Variants in SAMMSON observed in about 807,000 individuals in gnomAD.
SAMMSON encodes the protein survival associated mitochondrial melanoma specific oncogenic non-coding RNA, also known as long intergenic non-protein coding RNA 1212.
At chr3:70,316,576 A>G (rs1702495583) in intron 7 of SAMMSON, among the ~76,000 whole-genome samples, 1 of 152,112 alleles carries the variant, frequency 6.6e-6, no homozygotes, top group Non-Finnish European at 1.5e-5. Flanking sequence ...ACCAATATAT[A>G]CCATCAAATA....
intron 2 of SAMMSON, among the ~76,000 whole-genome samples, chr3:70,402,663 A>C (rs1340452485): frequency 1.3e-5 from 2 of 152,138 alleles, no homozygotes. Context: ...GGAGTTCAAG[A>C]CCAGCCTGGC....
At position 70,108,423 on chromosome 3, in the gene SAMMSON, C is replaced by CTTTTT. The variant is rs61561713; in HGVS notation, n.507+36872_507+36876dup. 3.5e-3 allele frequency among the ~76,000 whole-genome samples: 312 copies of CTTTTT among 89,344 alleles called. 20 individuals carry two copies. Among genetic ancestry groups the CTTTTT allele is most frequent in the South Asian group, 0.025 (48 of 1,910 alleles). 58.6% of individuals were successfully genotyped at this position (89,344 alleles called of 152,430 possible). A position where few individuals can be genotyped will look rare whatever the true frequency, so the allele number is the denominator to read the frequency against. ...TAGTGTTTCTCAACTCTTGCGGTTC[C>CTTTTT]TTTTTTTTTTTTTTTTTTATCATAA... On this transcript the variant is annotated intron_variant and non_coding_transcript_variant, in intron 4 of 9. Coordinates refer to ENST00000642114, the Ensembl canonical transcript of SAMMSON.
chr3:70,325,888 A>G (rs2106719857), intron 7 of SAMMSON, among the ~76,000 whole-genome samples: 1 of 152,250 alleles, frequency 6.6e-6, no homozygotes, highest in East Asian at 1.9e-4. Flanking sequence ...CATAACTGAT[A>G]AACCCCTTCT....
intron 1 of SAMMSON, among the ~76,000 whole-genome samples, chr3:70,008,872 C>A (rs977482621): frequency 6.6e-6 from 1 of 152,114 alleles, no homozygotes; most frequent in Non-Finnish European, 1.5e-5. Context: ...TTGTGAAAGG[C>A]CTTTTCTTCC....
At chr3:70,318,241 C>A (rs1702508882) in intron 7 of SAMMSON, among the ~76,000 whole-genome samples, 1 of 151,926 alleles carries the variant, frequency 6.6e-6, no homozygotes, top group Admixed American at 6.6e-5. Flanking sequence ...CTCTAGGATT[C>A]CAATTACACA....
chr3:70,105,630 C>T (rs2067364265), intron 4 of SAMMSON, among the ~76,000 whole-genome samples: 1 of 152,112 alleles, frequency 6.6e-6, no homozygotes, highest in Admixed American at 6.6e-5. Flanking sequence ...CAAATTGGAC[C>T]CCATTTCAAT....
intron 9 of SAMMSON, among the ~76,000 whole-genome samples, chr3:70,370,670 C>T (rs1702961729): frequency 6.6e-6 from 1 of 151,514 alleles, no homozygotes. Flanking sequence ...TTTTGTTTTG[C>T]TTTTTCTTAT....
At chr3:70,405,720 G>A (rs1417530599) in intron 2 of SAMMSON, among the ~76,000 whole-genome samples, 2 of 152,144 alleles carry the variant, frequency 1.3e-5, no homozygotes, top group Non-Finnish European at 1.5e-5. Flanking sequence ...GCAGGCAGTC[G>A]AATCTGCATG....
At chr3:70,397,920 T>C (rs1441560024) in intron 2 of SAMMSON, among the ~76,000 whole-genome samples, 1 of 152,234 alleles carries the variant, frequency 6.6e-6, no homozygotes, top group African/African-American at 2.4e-5. Context: ...TAATTCTGAC[T>C]GTCTTAGCTT....
chr3:70,339,490 T>G (rs565050035), intron 7 of SAMMSON, among the ~76,000 whole-genome samples: 267 of 152,234 alleles, frequency 1.8e-3, no homozygotes, highest in Non-Finnish European at 3.0e-3. Context: ...GAGAATATTT[T>G]TACAATCTAC....
At chr3:70,362,821 T>C (rs909305393) in intron 9 of SAMMSON, among the ~76,000 whole-genome samples, 10 of 135,722 alleles carry the variant, frequency 7.4e-5, no homozygotes, top group African/African-American at 1.6e-4. Flanking sequence ...TTTTTTTTTT[T>C]CTCCAGTGGC....
intron 4 of SAMMSON, among the ~76,000 whole-genome samples, chr3:70,073,519 G>A (rs1298446844): frequency 1.3e-5 from 2 of 151,942 alleles, no homozygotes; most frequent in Admixed American, 6.6e-5. Context: ...TGTAGAATGA[G>A]AAGTAGAGAG....
intron 9 of SAMMSON, among the ~76,000 whole-genome samples, chr3:70,386,499 C>T (rs1703123798): frequency 6.6e-6 from 1 of 151,952 alleles, no homozygotes; most frequent in South Asian, 2.1e-4. Context: ...AGGAAGAAAC[C>T]AATGAATTAG....
At chr3:70,159,913 T>C (rs2067608212) in intron 4 of SAMMSON, among the ~76,000 whole-genome samples, 1 of 152,108 alleles carries the variant, frequency 6.6e-6, no homozygotes, top group African/African-American at 2.4e-5. Flanking sequence ...TTGTGGTTTC[T>C]ATTTGCATTT....
intron 6 of SAMMSON, among the ~76,000 whole-genome samples, chr3:70,255,716 C>T (rs1163580779): frequency 2.0e-5 from 3 of 152,134 alleles, no homozygotes; most frequent in Admixed American, 2.0e-4. Flanking sequence ...ACTTTGGCCT[C>T]TCAAGGGGAG....
At chr3:70,404,965 T>C (rs1027658711) in intron 2 of SAMMSON, among the ~76,000 whole-genome samples, 1 of 152,134 alleles carries the variant, frequency 6.6e-6, no homozygotes, top group Non-Finnish European at 1.5e-5. Context: ...TGTTTATGTG[T>C]AGGATGAGAG....
intron 4 of SAMMSON, among the ~76,000 whole-genome samples, chr3:70,196,126 GAAGA>G (rs1253430125): frequency 6.6e-6 from 1 of 152,156 alleles, no homozygotes; most frequent in Non-Finnish European, 1.5e-5. Context: ...AAATAAAAAT[GAAGA>G]AAGTGAAGAA....
chr3:70,289,793 G>A (rs1401625460), intron 6 of SAMMSON, among the ~76,000 whole-genome samples: 21 of 150,828 alleles, frequency 1.4e-4, no homozygotes, highest in East Asian at 9.8e-4. Context: ...TTTCCTTCTC[G>A]CTTCATTTCA....
At chr3:70,044,112 T>A (rs1399247949) in intron 3 of SAMMSON, among the ~76,000 whole-genome samples, 5 of 152,070 alleles carry the variant, frequency 3.3e-5, no homozygotes, top group Admixed American at 6.6e-5. Context: ...GGGTTTTTTT[T>A]AAATGTGTTT....
Sources: allele counts gnomAD v4.1 joint callset (sites outside exome capture counted in the v4.1 genomes callset), GRCh38; gene constraint gnomAD v4.1.1; transcripts MANE v1.5; gene names NCBI Gene and HGNC (gene_info 2026-07-23, HGNC 2026-07-21).